Variants in PCOLCE2 observed in about 807,000 individuals in gnomAD.
PCOLCE2 encodes procollagen C-proteinase enhancer 2.
A neutral mutation model predicts 47.0 loss-of-function variants in PCOLCE2; 42 were observed. That is an observed-to-expected ratio of 0.89 (90% CI 0.70 to 1.16). The LOEUF (loss-of-function observed/expected upper bound fraction) is 1.16. Ranked by LOEUF, PCOLCE2 falls within the 50% of genes most tolerant of loss-of-function variation. The pLI, the probability that PCOLCE2 is intolerant of heterozygous loss-of-function variation, is 0.00. For missense variants in PCOLCE2, 500 were observed against 526.1 expected (o/e 0.95, Z 0.49); for synonymous variants, 169 against 191.7 (o/e 0.88, Z 0.98).
At chr3:142,880,063 A>G (rs1933582039) in intron 2 of PCOLCE2, among the ~76,000 whole-genome samples, 1 of 150,524 alleles carries the variant, frequency 6.6e-6, no homozygotes, top group Admixed American at 6.6e-5. Context: ...AAAAAAAACC[A>G]AGCTATGGTG....
At chr3:142,860,942 T>C (rs903629532) in intron 2 of PCOLCE2, among the ~76,000 whole-genome samples, 7 of 152,196 alleles carry the variant, frequency 4.6e-5, no homozygotes, top group African/African-American at 1.7e-4. Flanking sequence ...GAACCCCCAT[T>C]CCCAGGGCTT....
Position 142,888,803 on chromosome 3 carries a change from G to A in PCOLCE2, c.83+11C>T. The A allele has an allele frequency of 6.8e-7, 1 of 1,472,914 alleles. No individual in the cohort carries two copies. Among genetic ancestry groups the A allele is most frequent in the Non-Finnish European group, 9.1e-7 (1 of 1,103,888 alleles). The allele number at this position is 1,472,914 out of a possible 1,614,324, so 91.2% of individuals were successfully genotyped here. A position where few individuals can be genotyped will look rare whatever the true frequency, so the allele number is the denominator to read the frequency against. The stretch of plus-strand genomic sequence containing the variant: ...AGGAGAGAAAGGGAGCCCGGGCAGG[G>A]GTCGCGTTACCTCTCTGGGGACTGC... On this transcript the variant is annotated intron_variant, in intron 1 of 8. Coordinates refer to ENST00000295992, the MANE Select transcript of PCOLCE2 (RefSeq NM_013363.4).
chr3:142,854,195 T>A (rs1289700409), intron 2 of PCOLCE2, among the ~76,000 whole-genome samples: 1 of 111,210 alleles, frequency 9.0e-6, no homozygotes, highest in East Asian at 2.1e-4. Flanking sequence ...CAAAAAGAAC[T>A]GTTTTTGCAG....
In PCOLCE2 at chr3:142,887,643, A is replaced by G. The variant is rs191441183; in HGVS notation, c.192+26T>C. 492 of 1,187,846 alleles carry G rather than the reference A, an allele frequency of 4.1e-4. 2 individuals carry two copies. In the African/African-American group the frequency reaches 6.6e-3, roughly 16 times the overall value. 73.6% of individuals were successfully genotyped at this position (1,187,846 alleles called of 1,614,324 possible). A position where few individuals can be genotyped will look rare whatever the true frequency, so the allele number is the denominator to read the frequency against. On this transcript the variant is annotated intron_variant, in intron 2 of 8. Coordinates refer to ENST00000295992, the MANE Select transcript of PCOLCE2 (RefSeq NM_013363.4). ...ACTGTTGCCAACACCCACTTCCAGG[A>G]GAATACCTTTTTAAAAAATGCTTAC...
At chr3:142,844,679 G>A (rs1175709323) in intron 3 of PCOLCE2, among the ~76,000 whole-genome samples, 1 of 152,042 alleles carries the variant, frequency 6.6e-6, no homozygotes, top group Non-Finnish European at 1.5e-5. Flanking sequence ...GCACTTATTG[G>A]CCATTCATAT....
intron 2 of PCOLCE2, chr3:142,887,406 C>T (rs958122358): frequency 9.4e-5 from 29 of 308,518 alleles, no homozygotes; most frequent in Non-Finnish European, 1.7e-4. Context: ...TCAACTGAGT[C>T]ACACTGGGCT....
At chr3:142,828,401 T>C (rs1422582279) in intron 6 of PCOLCE2, among the ~76,000 whole-genome samples, 2 of 152,202 alleles carry the variant, frequency 1.3e-5, no homozygotes, top group Non-Finnish European at 2.9e-5. Context: ...TTCCTCAATA[T>C]CATTAGCCAC....
intron 6 of PCOLCE2, among the ~76,000 whole-genome samples, chr3:142,825,661 T>A (rs1937068853): frequency 6.6e-6 from 1 of 152,202 alleles, no homozygotes; most frequent in Non-Finnish European, 1.5e-5. Context: ...TCTTTGATGG[T>A]TCAATATATT....
intron 4 of PCOLCE2, 132 bp from the exon 5 acceptor site, chr3:142,839,038 T>G: frequency 1.6e-6 from 1 of 610,170 alleles, no homozygotes; most frequent in Non-Finnish European, 2.8e-6. Flanking sequence ...CATTAAGTGC[T>G]TTTTGTTGCA....
chr3:142,876,468 T>C (rs1332761144), intron 2 of PCOLCE2, among the ~76,000 whole-genome samples: 1 of 152,186 alleles, frequency 6.6e-6, no homozygotes, highest in Non-Finnish European at 1.5e-5. Flanking sequence ...AATCTCCTGC[T>C]GCACAACAAA....
chr3:142,884,426 G>A (rs921791995), intron 2 of PCOLCE2, among the ~76,000 whole-genome samples: 4 of 152,088 alleles, frequency 2.6e-5, no homozygotes, highest in Non-Finnish European at 4.4e-5. Context: ...CCACGTCCCC[G>A]TATTTGAGAA....
intron 2 of PCOLCE2, among the ~76,000 whole-genome samples, chr3:142,868,753 C>A (rs1933329717): frequency 6.6e-6 from 1 of 152,322 alleles, no homozygotes; most frequent in Admixed American, 6.5e-5. Flanking sequence ...CAGCAGGGGC[C>A]ACGTGCGTCA....
intron 2 of PCOLCE2, chr3:142,863,930 G>A (rs1255242446): frequency 3.3e-5 from 5 of 152,100 alleles, no homozygotes; most frequent in Admixed American, 1.3e-4. Flanking sequence ...CAGAAGAAAA[G>A]ACAGTGAATC....
At chr3:142,823,052 T>C (rs1937033027) in intron 7 of PCOLCE2, among the ~76,000 whole-genome samples, 1 of 152,226 alleles carries the variant, frequency 6.6e-6, no homozygotes, top group African/African-American at 2.4e-5. Flanking sequence ...TGTGAGAGTT[T>C]CCAAATGGAC....
At chr3:142,840,801 C>G (rs966495939) in intron 4 of PCOLCE2, among the ~76,000 whole-genome samples, 1 of 152,084 alleles carries the variant, frequency 6.6e-6, no homozygotes. Flanking sequence ...AAAGGCTGGG[C>G]GTGGTGGCTC....
intron 4 of PCOLCE2, among the ~76,000 whole-genome samples, chr3:142,839,501 C>T (rs141557434): frequency 0.012 from 1,824 of 152,146 alleles, 46 homozygotes; most frequent in African/African-American, 0.04. Flanking sequence ...TTAGTACAGA[C>T]GGGATTTCAC....
intron 2 of PCOLCE2, among the ~76,000 whole-genome samples, chr3:142,880,247 A>T (rs1933586973): frequency 6.6e-6 from 1 of 151,916 alleles, no homozygotes. Flanking sequence ...TTAAAAAAAA[A>T]AAAAGCCCAC....
At chr3:142,837,299 C>T (rs928999595) in intron 5 of PCOLCE2, among the ~76,000 whole-genome samples, 5 of 152,184 alleles carry the variant, frequency 3.3e-5, no homozygotes, top group South Asian at 2.1e-4. Context: ...TGTTTTAAGT[C>T]GCTGCACGTG....
chr3:142,873,041 T>G (rs367884044), intron 2 of PCOLCE2, among the ~76,000 whole-genome samples: 27 of 152,226 alleles, frequency 1.8e-4, no homozygotes, highest in Admixed American at 1.5e-3. Context: ...TGATATAATC[T>G]CATCTCTATC....
Sources: allele counts gnomAD v4.1 joint callset (sites outside exome capture counted in the v4.1 genomes callset), GRCh38; gene constraint gnomAD v4.1.1; transcripts MANE v1.5; gene names NCBI Gene and HGNC (gene_info 2026-07-23, HGNC 2026-07-21).